MAGI2: variants seen among roughly 807,000 people sequenced by gnomAD.
The protein encoded by MAGI2 is membrane-associated guanylate kinase, WW and PDZ domain-containing protein 2.
Under a neutral mutation model 133.3 loss-of-function variants are expected in MAGI2, and 35 were observed. The observed-to-expected ratio is 0.26, with a 90% CI of 0.20 to 0.35. The LOEUF (loss-of-function observed/expected upper bound fraction) is 0.35. MAGI2 is among the 10% of genes least tolerant of loss of function. MAGI2 has a pLI of 1.00. For missense variants in MAGI2, 1,636 were observed against 1,863.4 expected, an observed-to-expected ratio of 0.88 and a Z score of 2.25; for synonymous variants, 729 against 710.6, an observed-to-expected ratio of 1.03 and a Z score of -0.41.
intron 9 of MAGI2, among the ~76,000 whole-genome samples, chr7:78,290,409 T>C (rs1796580740): frequency 6.6e-6 from 1 of 152,186 alleles, no homozygotes; most frequent in Non-Finnish European, 1.5e-5. Context: ...ATCCTAAATA[T>C]ATATGCACCC....
intron 1 of MAGI2, among the ~76,000 whole-genome samples, chr7:79,032,241 G>T (rs891533533): frequency 9.9e-5 from 15 of 152,098 alleles, no homozygotes; most frequent in African/African-American, 3.6e-4. Context: ...CAGGGGCCAG[G>T]CACGGTGGTT....
At chr7:78,095,524 A>G (rs1324095663) in intron 20 of MAGI2, among the ~76,000 whole-genome samples, 3 of 152,188 alleles carry the variant, frequency 2.0e-5, no homozygotes, top group Non-Finnish European at 4.4e-5. Context: ...TCCCTAGCTC[A>G]TCTGGGTCTC....
chr7:79,221,829 T>C (rs1164323477), intron 1 of MAGI2, among the ~76,000 whole-genome samples: 3 of 151,912 alleles, frequency 2.0e-5, no homozygotes, highest in Non-Finnish European at 4.4e-5. Flanking sequence ...AAGGTCTGGA[T>C]TGGGGTATTA....
At chr7:79,289,529 A>G (rs747594587) in intron 1 of MAGI2, among the ~76,000 whole-genome samples, 4 of 152,190 alleles carry the variant, frequency 2.6e-5, no homozygotes, top group Non-Finnish European at 4.4e-5. Flanking sequence ...CTGATGGACT[A>G]TTATTGATGA....
At chr7:79,065,520 T>C (rs1348243441) in intron 1 of MAGI2, among the ~76,000 whole-genome samples, 1 of 152,124 alleles carries the variant, frequency 6.6e-6, no homozygotes, top group Non-Finnish European at 1.5e-5. Flanking sequence ...TATTATAATA[T>C]GGTTAATTGA....
At chr7:79,069,126 A>C (rs377218557) in intron 1 of MAGI2, among the ~76,000 whole-genome samples, 4 of 152,140 alleles carry the variant, frequency 2.6e-5, no homozygotes, top group African/African-American at 9.7e-5. Context: ...TGCTTGATCC[A>C]GAGCTGAGTT....
chr7:79,236,709 G>A (rs1355981306), intron 1 of MAGI2, among the ~76,000 whole-genome samples: 1 of 152,140 alleles, frequency 6.6e-6, no homozygotes, highest in East Asian at 1.9e-4. Flanking sequence ...ATTTGTCACA[G>A]AACATTTTAA....
intron 21 of MAGI2, among the ~76,000 whole-genome samples, chr7:78,040,554 T>C (rs1810717271): frequency 6.6e-6 from 1 of 152,120 alleles, no homozygotes; most frequent in Non-Finnish European, 1.5e-5. Flanking sequence ...GTCCCTCGAC[T>C]GGGAATGAGG....
chr7:78,694,444 C>T (rs1817289798), intron 2 of MAGI2, among the ~76,000 whole-genome samples: 1 of 152,114 alleles, frequency 6.6e-6, no homozygotes, highest in African/African-American at 2.4e-5. Context: ...TTCTTTCTGT[C>T]TCATTAAGGA....
chr7:79,433,658 T>C (rs17152496), intron 1 of MAGI2, among the ~76,000 whole-genome samples: 23,989 of 152,132 alleles, frequency 0.16, 2,060 homozygotes, highest in East Asian at 0.29. Context: ...AAATGATCAA[T>C]ACAGTCTAGC....
At chr7:78,173,961 C>A (rs1451111876) in intron 14 of MAGI2, among the ~76,000 whole-genome samples, 1 of 152,080 alleles carries the variant, frequency 6.6e-6, no homozygotes, top group Non-Finnish European at 1.5e-5. Context: ...AATTAATCGG[C>A]GCTCAACAAT....
At chr7:78,928,437 C>T (rs940936058) in intron 2 of MAGI2, among the ~76,000 whole-genome samples, 3 of 151,686 alleles carry the variant, frequency 2.0e-5, no homozygotes, top group African/African-American at 7.3e-5. Context: ...ACTGGAGATA[C>T]CATGTCAACT....
intron 2 of MAGI2, among the ~76,000 whole-genome samples, chr7:78,675,386 G>T (rs1563337141): frequency 6.6e-6 from 1 of 151,960 alleles, no homozygotes. Flanking sequence ...GTAAGCAGAG[G>T]TAAGAGGAGG....
chr7:78,903,282 C>A (rs1264506546), intron 2 of MAGI2, among the ~76,000 whole-genome samples: 1 of 148,150 alleles, frequency 6.7e-6, no homozygotes, highest in South Asian at 2.1e-4. Context: ...CAAGCTCCGC[C>A]TCCCGGGTTC....
chr7:79,325,306 C>T (rs1309789903), intron 1 of MAGI2, among the ~76,000 whole-genome samples: 1 of 152,256 alleles, frequency 6.6e-6, no homozygotes, highest in South Asian at 2.1e-4. Flanking sequence ...TCCCTTTGCT[C>T]ATGCTCGTGC....
At chr7:79,169,272 A>G (rs930630826) in intron 1 of MAGI2, among the ~76,000 whole-genome samples, 1 of 152,034 alleles carries the variant, frequency 6.6e-6, no homozygotes, top group East Asian at 1.9e-4. Flanking sequence ...GAGAAAGGGA[A>G]ATTTGGAATG....
intron 1 of MAGI2, among the ~76,000 whole-genome samples, chr7:79,198,253 AAAAC>A (rs1269758704): frequency 1.4e-5 from 2 of 146,288 alleles, no homozygotes; most frequent in Non-Finnish European, 1.5e-5. Flanking sequence ...ACCGTGTTCA[AAAAC>A]AAACAAACAA....
intron 6 of MAGI2, among the ~76,000 whole-genome samples, chr7:78,475,215 C>A (rs574119038): frequency 6.1e-4 from 92 of 151,940 alleles, no homozygotes; most frequent in African/African-American, 2.1e-3. Flanking sequence ...ATAAAGGAAA[C>A]AATAGCAACA....
intron 2 of MAGI2, among the ~76,000 whole-genome samples, chr7:78,951,200 C>A (rs1310854119): frequency 6.6e-6 from 1 of 151,862 alleles, no homozygotes; most frequent in African/African-American, 2.4e-5. Context: ...CTTGAACTCC[C>A]AACCTTAAGT....
Sources: allele counts gnomAD v4.1 joint callset (sites outside exome capture counted in the v4.1 genomes callset), GRCh38; gene constraint gnomAD v4.1.1; transcripts MANE v1.5; gene names NCBI Gene and HGNC (gene_info 2026-07-23, HGNC 2026-07-21).